Variants in SCAI observed in about 807,000 individuals in gnomAD.
The protein encoded by SCAI is suppressor of cancer cell invasion.
SCAI carries 24 observed loss-of-function variants against 92.2 expected under a neutral mutation model. The ratio of observed to expected loss-of-function variants is 0.26; its 90% CI spans 0.19 to 0.37. The LOEUF (loss-of-function observed/expected upper bound fraction) is 0.37, where lower values mean the gene tolerates loss of function less well. Ranked by LOEUF, SCAI falls within the 10% of genes least tolerant of loss-of-function variation. The pLI is 1.00. For missense variants in SCAI, 450 were observed against 736.2 expected, an observed-to-expected ratio of 0.61 and a Z score of 4.50; for synonymous variants, 261 against 258.6, an observed-to-expected ratio of 1.01 and a Z score of -0.09.
chr9:125,123,068 A>G (rs1478101749), intron 2 of SCAI, among the ~76,000 whole-genome samples: 1 of 152,204 alleles, frequency 6.6e-6, no homozygotes, highest in Non-Finnish European at 1.5e-5. Context: ...CTATTGTTAG[A>G]AAGACAGGCT....
chr9:125,038,046 C>T (rs539860616), intron 3 of SCAI, among the ~76,000 whole-genome samples: 13 of 151,744 alleles, frequency 8.6e-5, no homozygotes, highest in African/African-American at 2.2e-4. Context: ...CACTTGAGCC[C>T]GGAGTTCGAG....
intron 3 of SCAI, among the ~76,000 whole-genome samples, chr9:125,047,860 T>C (rs1833478115): frequency 6.6e-6 from 1 of 152,238 alleles, no homozygotes; most frequent in Non-Finnish European, 1.5e-5. Flanking sequence ...TTTTTATTTA[T>C]TGGATCAAAT....
intron 6 of SCAI, among the ~76,000 whole-genome samples, chr9:125,025,700 C>T (rs903943698): frequency 6.6e-6 from 1 of 152,110 alleles, no homozygotes; most frequent in Non-Finnish European, 1.5e-5. Flanking sequence ...GAAAAATGTA[C>T]ACTCCAGCAT....
intron 4 of SCAI, 127 bp downstream of exon 4, chr9:125,029,517 T>C (rs779418094): frequency 5.0e-5 from 26 of 517,962 alleles, no homozygotes; most frequent in Non-Finnish European, 8.6e-5. Context: ...CACCAAGATT[T>C]ACCTTTGCTT....
chr9:125,091,870 G>A lies in SCAI; in HGVS notation c.99-35863C>T, dbSNP rs1474039073. On this transcript the variant is annotated intron_variant, in intron 2 of 17. Transcript: ENST00000336505. This position sits in a 1 kb window ranked among gnomAD's most constrained non-coding sequence, Gnocchi z 4.3. ...CTCACGCCTGTAATCCCAGCACTGC[G>A]GGAGGCCGAGGCGAGCAGATCACGA... Among the ~76,000 whole-genome samples the A allele has an allele frequency of 6.6e-6, 1 of 152,140 alleles. No individual in the cohort carries two copies.
At chr9:125,060,594 T>C (rs966847437) in intron 2 of SCAI, among the ~76,000 whole-genome samples, 8 of 152,314 alleles carry the variant, frequency 5.3e-5, no homozygotes, top group South Asian at 2.1e-4. Flanking sequence ...GGGGAGGTAA[T>C]TGAATCATGG....
intron 2 of SCAI, among the ~76,000 whole-genome samples, chr9:125,128,022 T>A (rs973843292): frequency 1.4e-5 from 2 of 141,732 alleles, no homozygotes; most frequent in African/African-American, 2.5e-5. Flanking sequence ...AAAAAAAAAA[T>A]TCTAGGCCAG....
intron 2 of SCAI, among the ~76,000 whole-genome samples, chr9:125,086,165 G>C (rs541404036): frequency 6.6e-6 from 1 of 152,008 alleles, no homozygotes; most frequent in Admixed American, 6.6e-5. Context: ...GTGTACACTC[G>C]TCATCCCCTT....
chr9:125,128,978 G>A (rs1402042608), intron 2 of SCAI, among the ~76,000 whole-genome samples: 4 of 151,874 alleles, frequency 2.6e-5, no homozygotes, highest in South Asian at 2.1e-4. Flanking sequence ...CAGGAGAATC[G>A]CTTGAATCCA....
intron 2 of SCAI, among the ~76,000 whole-genome samples, chr9:125,056,241 G>C (rs1031365089): frequency 6.6e-6 from 1 of 152,136 alleles, no homozygotes; most frequent in Non-Finnish European, 1.5e-5. Flanking sequence ...CGAGGTGGAT[G>C]GATCACCTGA....
At chr9:125,103,975 C>T (rs1285953278) in intron 2 of SCAI, among the ~76,000 whole-genome samples, 2 of 152,168 alleles carry the variant, frequency 1.3e-5, no homozygotes, top group Non-Finnish European at 2.9e-5. Context: ...AAAGGAAACT[C>T]TCACCTACTA....
chr9:125,108,205 G>C (rs1241086430), intron 2 of SCAI, among the ~76,000 whole-genome samples: 3 of 152,270 alleles, frequency 2.0e-5, no homozygotes, highest in African/African-American at 7.2e-5. Flanking sequence ...CCAGCCGCCT[G>C]CCTTGGCCTC....
At chr9:124,990,795 G>A (rs1298876169) in intron 14 of SCAI, among the ~76,000 whole-genome samples, 3 of 152,122 alleles carry the variant, frequency 2.0e-5, no homozygotes, top group Admixed American at 1.3e-4. Flanking sequence ...GCAAATAGGG[G>A]TTGCAACAAA....
At chr9:125,074,826 G>A (rs537258498) in intron 2 of SCAI, among the ~76,000 whole-genome samples, 8 of 151,864 alleles carry the variant, frequency 5.3e-5, no homozygotes, top group East Asian at 2.0e-4. Context: ...GCAACATGGC[G>A]AAACCCCGTT....
intron 3 of SCAI, among the ~76,000 whole-genome samples, chr9:125,042,615 A>ATGTGTGTGTGTGTGTGTGTG (rs150983142): frequency 4.1e-4 from 43 of 105,178 alleles, no homozygotes; most frequent in Non-Finnish European, 6.2e-4. Context: ...CCACCAGAGT[A>ATGTGTGTGTGTGTGTGTGTG]TGTGTGTGTG....
At chr9:125,108,775 G>A (rs943747845) in intron 2 of SCAI, among the ~76,000 whole-genome samples, 2 of 152,028 alleles carry the variant, frequency 1.3e-5, no homozygotes, top group Non-Finnish European at 2.9e-5. Context: ...CGTCCGGGAG[G>A]TGGGGGGCGC....
At chr9:124,998,636 T>C (rs1392517942) in intron 13 of SCAI, among the ~76,000 whole-genome samples, 1 of 152,154 alleles carries the variant, frequency 6.6e-6, no homozygotes, top group African/African-American at 2.4e-5. Context: ...ATTTTCTCTT[T>C]TTTGTTTTTT....
At chr9:125,116,212 T>G (rs1316329518) in intron 2 of SCAI, among the ~76,000 whole-genome samples, 2 of 152,118 alleles carry the variant, frequency 1.3e-5, no homozygotes, top group Non-Finnish European at 1.5e-5. Flanking sequence ...AAAAAAAGTA[T>G]ACATGTTATA....
At chr9:125,069,190 C>G (rs1833928960) in intron 2 of SCAI, among the ~76,000 whole-genome samples, 2 of 151,588 alleles carry the variant, frequency 1.3e-5, no homozygotes, top group South Asian at 4.2e-4. Context: ...TGCACTCCAG[C>G]CTGGGAGACA....
Sources: gnomAD v4.1 joint callset for allele counts (sites outside exome capture counted in the v4.1 genomes callset) on GRCh38, gnomAD v4.1.1 for gene constraint, Gnocchi (gnomAD v3.1) non-coding constraint, MANE v1.5 for transcripts, NCBI Gene and HGNC (gene_info 2026-07-23, HGNC 2026-07-21) for gene names.